The following MGAT4C variants were observed in gnomAD, a reference collection of about 807,000 sequenced individuals.
The protein encoded by MGAT4C is MGAT4 family member C, also known as alpha-1,3-mannosyl-glycoprotein 4-beta-N-acetylglucosaminyltransferase C.
MGAT4C carries 19 observed loss-of-function variants against 40.1 expected under a neutral mutation model. The ratio of observed to expected loss-of-function variants is 0.47; its 90% confidence interval spans 0.33 to 0.70. The LOEUF is 0.70. Ranked by LOEUF, MGAT4C falls within the 30% of genes least tolerant of loss-of-function variation. The probability of loss-of-function intolerance (pLI) is 0.02; values close to 1 mark genes in which losing one functional copy is unlikely to be tolerated. For synonymous variants in MGAT4C, 181 were observed against 187.1 expected (o/e 0.97, Z 0.27); for missense variants, 491 against 563.2 (o/e 0.87, Z 1.30).
At chr12:86,578,459 C>T (rs1272428837) in intron 2 of MGAT4C, among the ~76,000 whole-genome samples, 1 of 151,758 alleles carries the variant, frequency 6.6e-6, no homozygotes, top group Non-Finnish European at 1.5e-5. Flanking sequence ...TAGTTCTTTA[C>T]ATGTTTGGTA....
chr12:86,274,933 T>C (rs769446415), intron 4 of MGAT4C, among the ~76,000 whole-genome samples: 2 of 152,186 alleles, frequency 1.3e-5, no homozygotes, highest in Non-Finnish European at 2.9e-5. Context: ...AAAAGCTTCA[T>C]GTCATCAGAC....
intron 2 of MGAT4C, among the ~76,000 whole-genome samples, chr12:86,668,924 A>G (rs1431292828): frequency 6.6e-6 from 1 of 152,126 alleles, no homozygotes; most frequent in Non-Finnish European, 1.5e-5. Flanking sequence ...AAATCCAGGC[A>G]TTTGGAGCAC....
At chr12:86,122,082 G>T (rs866077989) in intron 1 of MGAT4C, among the ~76,000 whole-genome samples, 12 of 151,980 alleles carry the variant, frequency 7.9e-5, no homozygotes, top group African/African-American at 2.7e-4. Flanking sequence ...CATCAAACTC[G>T]AGCTGCTATA....
At chr12:86,049,157 C>A (rs1326334963) in intron 2 of MGAT4C, among the ~76,000 whole-genome samples, 1 of 151,988 alleles carries the variant, frequency 6.6e-6, no homozygotes, top group Non-Finnish European at 1.5e-5. Context: ...ATAAAAATTG[C>A]TAACTCTTGG....
chr12:86,358,424 A>C (rs1188631176), intron 3 of MGAT4C, among the ~76,000 whole-genome samples: 1 of 152,100 alleles, frequency 6.6e-6, no homozygotes, highest in Non-Finnish European at 1.5e-5. Context: ...ATCAACTAAC[A>C]AGCAAAATAA....
intron 2 of MGAT4C, among the ~76,000 whole-genome samples, chr12:86,512,366 T>C (rs1427302557): frequency 6.6e-6 from 1 of 152,134 alleles, no homozygotes; most frequent in Admixed American, 6.6e-5. Context: ...CTTAAACATT[T>C]TAAAATATAA....
At chr12:86,731,190 G>A (rs1950901456) in intron 1 of MGAT4C, among the ~76,000 whole-genome samples, 1 of 152,014 alleles carries the variant, frequency 6.6e-6, no homozygotes, top group Non-Finnish European at 1.5e-5. Context: ...TCTGTGGGGT[G>A]GTAGCTGTTC....
At chr12:86,332,734 GT>G (rs1158989762) in intron 4 of MGAT4C, among the ~76,000 whole-genome samples, 1 of 151,748 alleles carries the variant, frequency 6.6e-6, no homozygotes, top group Non-Finnish European at 1.5e-5. Context: ...ATATCCTTTT[GT>G]TTAAATAAAT....
chr12:86,352,315 C>A (rs1408608751), intron 3 of MGAT4C, among the ~76,000 whole-genome samples: 1 of 151,954 alleles, frequency 6.6e-6, no homozygotes, highest in Admixed American at 6.6e-5. Flanking sequence ...AAAACTTTGA[C>A]ATCCTTGAAA....
chr12:86,398,333 C>T (rs535429015), intron 3 of MGAT4C, among the ~76,000 whole-genome samples: 2 of 152,048 alleles, frequency 1.3e-5, no homozygotes, highest in African/African-American at 4.8e-5. Flanking sequence ...CATATAGAAC[C>T]GACCTGGATA....
At chr12:86,394,463 T>G (rs1356534136) in intron 3 of MGAT4C, among the ~76,000 whole-genome samples, 1 of 146,496 alleles carries the variant, frequency 6.8e-6, no homozygotes, top group Non-Finnish European at 1.5e-5. Context: ...GGTTTAATTA[T>G]ATATATATAC....
Position 86,080,620 on chromosome 12 carries a change from C to T in MGAT4C, c.-56-30897G>A, listed in dbSNP as rs1280018427. Reference sequence around the variant, plus strand: ...ACACATGCACACGCACCCACACACACCGGTACCATGAATTCAACTGGTATC... The same window carrying T: ...ACACATGCACACGCACCCACACACATCGGTACCATGAATTCAACTGGTATC... On this transcript the variant is annotated intron_variant, in intron 1 of 4. Transcript: ENST00000611864. Among the ~76,000 whole-genome samples, 7 of 152,216 alleles carry T rather than the reference C, an allele frequency of 4.6e-5. No homozygotes were observed. In the South Asian group the frequency reaches 6.2e-4, roughly 14 times the overall value.
chr12:86,673,187 T>C (rs967388137), intron 2 of MGAT4C, among the ~76,000 whole-genome samples: 11 of 152,222 alleles, frequency 7.2e-5, no homozygotes, highest in Non-Finnish European at 5.9e-5. Flanking sequence ...AAACGCTGTC[T>C]GGAGACAAAT....
intron 1 of MGAT4C, among the ~76,000 whole-genome samples, chr12:86,822,062 G>A (rs1034161783): frequency 1.3e-5 from 2 of 150,974 alleles, no homozygotes; most frequent in African/African-American, 2.4e-5. Context: ...ATGTTTATGA[G>A]GGTGTTAAAG....
At chr12:86,680,230 G>A (rs1332724678) in intron 2 of MGAT4C, among the ~76,000 whole-genome samples, 1 of 151,856 alleles carries the variant, frequency 6.6e-6, no homozygotes, top group Non-Finnish European at 1.5e-5. Context: ...TGTATTTGAA[G>A]ATTGCTAATA....
intron 2 of MGAT4C, among the ~76,000 whole-genome samples, chr12:86,578,488 A>T (rs1960650504): frequency 6.6e-6 from 1 of 151,850 alleles, no homozygotes; most frequent in African/African-American, 2.4e-5. Flanking sequence ...AAGTGAAGGC[A>T]TCAGGTCCCG....
chr12:86,593,615 T>C (rs1311902071), intron 2 of MGAT4C, among the ~76,000 whole-genome samples: 1 of 152,216 alleles, frequency 6.6e-6, no homozygotes, highest in Non-Finnish European at 1.5e-5. Context: ...CCCTGGTGAT[T>C]TCTTCTTTGA....
At chr12:86,388,442 A>C (rs1439277916) in intron 3 of MGAT4C, among the ~76,000 whole-genome samples, 1 of 152,092 alleles carries the variant, frequency 6.6e-6, no homozygotes, top group Non-Finnish European at 1.5e-5. Flanking sequence ...ATATGTAAAG[A>C]AGCATTGATA....
At chr12:86,410,554 C>A (rs887400734) in intron 3 of MGAT4C, among the ~76,000 whole-genome samples, 1 of 152,086 alleles carries the variant, frequency 6.6e-6, no homozygotes, top group Non-Finnish European at 1.5e-5. Context: ...TTATTCTGTT[C>A]GTTTTCAAGG....
Sources: gnomAD v4.1 joint callset for allele counts (sites outside exome capture counted in the v4.1 genomes callset) on GRCh38, gnomAD v4.1.1 for gene constraint, MANE v1.5 for transcripts, NCBI Gene and HGNC (gene_info 2026-07-23, HGNC 2026-07-21) for gene names.